The following ZRANB2 variants were observed in gnomAD, a reference collection of about 807,000 sequenced individuals.
ZRANB2 encodes zinc finger RANBP2-type containing 2.
In ZRANB2, 19 loss-of-function variants were observed where a neutral mutation model predicts 53.4. The ratio of observed to expected loss-of-function variants is 0.36; its 90% CI spans 0.25 to 0.52. The LOEUF (loss-of-function observed/expected upper bound fraction) is 0.52. Among genes scored for constraint, ZRANB2 ranks in the 20% least tolerant of loss-of-function variants. ZRANB2 has a pLI of 0.93. For synonymous variants in ZRANB2, 145 were observed against 134.8 expected (o/e 1.08, Z -0.52); for missense variants, 309 against 401.1 (o/e 0.77, Z 1.96).
At chr1:71,078,952 T>G (rs907704716) in intron 1 of ZRANB2, among the ~76,000 whole-genome samples, 2 of 152,210 alleles carry the variant, frequency 1.3e-5, no homozygotes, top group Non-Finnish European at 2.9e-5. Context: ...TTAAGTTACT[T>G]AGGATCTCTG....
chr1:71,074,256 G>A (rs536937368), intron 4 of ZRANB2, among the ~76,000 whole-genome samples: 100 of 152,212 alleles, frequency 6.6e-4, no homozygotes, highest in Non-Finnish European at 1.2e-3. Flanking sequence ...AATGAATACA[G>A]AAAACACAAT....
intron 1 of ZRANB2, among the ~76,000 whole-genome samples, chr1:71,080,681 C>T (rs1231814991): frequency 6.6e-6 from 1 of 151,956 alleles, no homozygotes; most frequent in East Asian, 1.9e-4. Flanking sequence ...AAAGGTAGGC[C>T]ATCTCGCACT....
chr1:71,074,295 C>T (rs1043356558), intron 4 of ZRANB2, among the ~76,000 whole-genome samples: 22 of 152,086 alleles, frequency 1.4e-4, no homozygotes, highest in African/African-American at 4.8e-4. Flanking sequence ...ATTTGAATTT[C>T]TATGGAAAGC....
chr1:71,063,482 G>C lies in ZRANB2; in HGVS notation c.*1592C>G, dbSNP rs960551311. 1 of 152,324 alleles carries C rather than the reference G, an allele frequency of 6.6e-6. No homozygotes were observed. Among genetic ancestry groups the C allele is most frequent in the Non-Finnish European group, 1.5e-5 (1 of 67,876 alleles). The allele number at this position is 152,324 out of a possible 1,614,324, so 9.4% of individuals were successfully genotyped here. On this transcript the variant is annotated 3_prime_UTR_variant, in exon 10 of 10. Transcript: ENST00000370920. ...TTAGCTAAATTATAACCTTGCATTTGCTTAGTACAGCCAAAGTTTTAAATA... is the reference window on the plus strand; with the variant it reads ...TTAGCTAAATTATAACCTTGCATTTCCTTAGTACAGCCAAAGTTTTAAATA...
intron 5 of ZRANB2, 90 bp downstream of exon 5, chr1:71,072,382 A>C (rs1661614155): frequency 2.1e-5 from 31 of 1,453,456 alleles, no homozygotes; most frequent in Non-Finnish European, 2.8e-5. Flanking sequence ...CTCAAATTGC[A>C]CTTAAAAAAA....
Position 71,069,261 on chromosome 1 carries a change from T to C in ZRANB2, c.770+15A>G, listed in dbSNP as rs1661541445. Reference sequence around the variant, plus strand: ...TTTTTCTCTCTGCTTTACAGAGAGATGCTACCTCATTCACCTTGATTTCGA... The same window carrying C: ...TTTTTCTCTCTGCTTTACAGAGAGACGCTACCTCATTCACCTTGATTTCGA... On this transcript the variant is annotated intron_variant, in intron 8 of 9. Transcript: ENST00000370920. The C allele has an allele frequency of 6.2e-7, 1 of 1,604,344 alleles. No homozygotes were observed. The highest frequency in any genetic ancestry group is 1.3e-5 in the African/African-American group (1 of 74,594).
chr1:71,067,605 C>T (rs186979900), intron 8 of ZRANB2: 24 of 414,496 alleles, frequency 5.8e-5, no homozygotes, highest in Non-Finnish European at 1.0e-4. Context: ...TTTTTCTTCA[C>T]TTGTATATTT....
chr1:71,080,572 G>A (rs538357032), intron 1 of ZRANB2, among the ~76,000 whole-genome samples: 1 of 136,044 alleles, frequency 7.4e-6, no homozygotes, highest in African/African-American at 2.7e-5. Context: ...GTTCTGCAGA[G>A]AAAAGTCACG....
At chr1:71,079,928 T>C (rs928984398) in intron 1 of ZRANB2, among the ~76,000 whole-genome samples, 1 of 152,158 alleles carries the variant, frequency 6.6e-6, no homozygotes, top group African/African-American at 2.4e-5. Flanking sequence ...TTACTATCAA[T>C]AGCCACCAAT....
At chr1:71,074,560 T>C (rs1000328559) in intron 4 of ZRANB2, among the ~76,000 whole-genome samples, 1 of 151,986 alleles carries the variant, frequency 6.6e-6, no homozygotes, top group African/African-American at 2.4e-5. Context: ...CCCTGAACAA[T>C]TAATTCAACT....
intron 8 of ZRANB2, among the ~76,000 whole-genome samples, chr1:71,068,308 T>C (rs1172371380): frequency 2.0e-5 from 3 of 152,248 alleles, no homozygotes; most frequent in Non-Finnish European, 4.4e-5. Context: ...CAGTTAGACT[T>C]CAATATGAAT....
intron 1 of ZRANB2, among the ~76,000 whole-genome samples, chr1:71,079,015 T>A (rs1661773231): frequency 6.6e-6 from 1 of 152,206 alleles, no homozygotes; most frequent in Non-Finnish European, 1.5e-5. Context: ...TTTACAAAGT[T>A]GAAAGTGAGA....
In ZRANB2 at chr1:71,081,026, C is replaced by T; in HGVS notation, c.-31G>A. The T allele has an allele frequency of 6.2e-7, 1 of 1,614,072 alleles. No homozygotes were observed. The highest frequency in any genetic ancestry group is 8.5e-7 in the Non-Finnish European group (1 of 1,179,992). ...ACGCCACCAGCACAGCCACCCGCAG[C>T]TATGTCTTCACAGGAGGAAAACGGG... On this transcript the variant is annotated 5_prime_UTR_variant, in exon 1 of 10. Coordinates refer to ENST00000370920, the MANE Select transcript of ZRANB2 (RefSeq NM_203350.3).
chr1:71,072,228 C>G lies in ZRANB2; in HGVS notation c.406G>C (p.Gly136Arg), dbSNP rs1661609687. The G allele has an allele frequency of 1.2e-6, 2 of 1,609,658 alleles. No homozygotes were observed. The highest frequency in any genetic ancestry group is 8.5e-7 in the Non-Finnish European group (1 of 1,178,812). ...ATAGATGCAGGACCAACTGCTTTCC[C>G]TCTGTATTTTTTCTTTTTACGTCCA... ...EFGRKKKKYR[G>R]KAVGPASILK... is the part of the protein sequence containing the mutation. The change falls in exon 6 of 10, where the codon GGG becomes CGG. Residue 136 changes from glycine to arginine, a missense_variant. Transcript: ENST00000370920.
intron 6 of ZRANB2, 46 bp downstream of exon 6, chr1:71,072,075 T>C (rs1475924265): frequency 6.3e-7 from 1 of 1,588,256 alleles, no homozygotes; most frequent in African/African-American, 1.4e-5. Context: ...TGTTATGGTA[T>C]AACTCCAATA....
rs1573046175 is a variant in ZRANB2, at chr1:71,063,757, C to A, written c.*1317G>T. ...TAGATCAGCTGAAGAGAAAAACATT[C>A]ACTTTAAAGTAAAAACATATATTTT... On this transcript the variant is annotated 3_prime_UTR_variant, in exon 10 of 10. Coordinates refer to ENST00000370920, the MANE Select transcript of ZRANB2 (RefSeq NM_203350.3). The A allele has an allele frequency of 3.3e-5, 5 of 152,314 alleles. No individual in the cohort carries two copies. In the Admixed American group the frequency reaches 3.3e-4, roughly 10 times the overall value. The allele number at this position is 152,314 out of a possible 1,614,324, so 9.4% of individuals were successfully genotyped here. A position where few individuals can be genotyped will look rare whatever the true frequency, so the allele number is the denominator to read the frequency against.
Position 71,064,864 on chromosome 1 carries a change from G to A in ZRANB2, c.*210C>T, listed in dbSNP as rs1661385390. On this transcript the variant is annotated 3_prime_UTR_variant, in exon 10 of 10. Coordinates refer to ENST00000370920, the MANE Select transcript of ZRANB2 (RefSeq NM_203350.3). Reference sequence around the variant, plus strand: ...AAGCAAATGGTTGTAAATAATGAATGACAGAACATCTATTTTGGGACATTA... The same window carrying A: ...AAGCAAATGGTTGTAAATAATGAATAACAGAACATCTATTTTGGGACATTA... The A allele has an allele frequency of 4.7e-6, 2 of 428,778 alleles. No homozygotes were observed. Among genetic ancestry groups the A allele is most frequent in the East Asian group, 7.5e-5 (2 of 26,750 alleles). 26.6% of individuals were successfully genotyped at this position (428,778 alleles called of 1,614,324 possible).
At chr1:71,077,644 AGGT>A (rs1661737185) in intron 3 of ZRANB2, among the ~76,000 whole-genome samples, 1 of 152,152 alleles carries the variant, frequency 6.6e-6, no homozygotes, top group Non-Finnish European at 1.5e-5. Flanking sequence ...GCTTGAGCTC[AGGT>A]GTTCGAGGCC....
chr1:71,075,286 T>G (rs574594024), intron 4 of ZRANB2, among the ~76,000 whole-genome samples: 258 of 152,216 alleles, frequency 1.7e-3, no homozygotes, highest in Non-Finnish European at 2.7e-3. Context: ...ATGGGAGATA[T>G]CAAGAAAGGG....
Sources: allele counts gnomAD v4.1 joint callset (sites outside exome capture counted in the v4.1 genomes callset), GRCh38; gene constraint gnomAD v4.1.1; transcripts MANE v1.5; gene names NCBI Gene and HGNC (gene_info 2026-07-23, HGNC 2026-07-21).